CCDC89: variants seen among roughly 807,000 people sequenced by gnomAD.
CCDC89 encodes the protein coiled-coil domain-containing protein 89.
A neutral mutation model predicts 29.3 loss-of-function variants in CCDC89; 28 were observed. That is an observed-to-expected ratio of 0.96 (90% CI 0.71 to 1.31). The LOEUF is 1.31. Among genes scored for constraint, CCDC89 ranks in the 50% most tolerant of loss-of-function variants. CCDC89 has a pLI of 0.00. For missense variants in CCDC89, 484 were observed against 442.3 expected, an observed-to-expected ratio of 1.09 and a Z score of -0.85; for synonymous variants, 191 against 179.7, an observed-to-expected ratio of 1.06 and a Z score of -0.51.
At position 85,685,542 on chromosome 11, in the gene CCDC89, A is replaced by C; in HGVS notation, c.589T>G (p.Cys197Gly). The change falls in exon 1 of 1, where the codon TGT becomes GGT. Residue 197 changes from cysteine (C) to glycine (G), a missense_variant. Transcript: ENST00000316398. ...TGTGCCTGGCAGGCATCCTGAGCAC[A>C]CCTCTCCTTCAGCGTTTCTAGCTCC... is the stretch of plus-strand genomic sequence containing the variant. Reference protein sequence around the residue: ...TGELETLKERCAQDACQAQAR... With the variant: ...TGELETLKERGAQDACQAQAR... 6.2e-7 allele frequency: 1 copy of C among 1,613,758 alleles called. No homozygotes were observed. The highest frequency in any genetic ancestry group is 8.5e-7 in the Non-Finnish European group (1 of 1,179,932).
In CCDC89 at chr11:85,685,107, C is replaced by T. The variant is rs200884938; in HGVS notation, c.1024G>A (p.Asp342Asn). The T allele has an allele frequency of 6.9e-5, 112 of 1,614,116 alleles. No individual in the cohort carries two copies. Among genetic ancestry groups the T allele is most frequent in the Non-Finnish European group, 8.6e-5 (102 of 1,180,054 alleles). The change falls in exon 1 of 1, where the codon GAT becomes AAT. Residue 342 changes from aspartate to asparagine, a missense_variant. Coordinates refer to ENST00000316398, the MANE Select transcript of CCDC89 (RefSeq NM_152723.3). ...GCTTCAGACTGCAGCCTGAGTTCAT[C>T]GTAGGCCTTCTGGATCCCATCTACT... ...RKVDGIQKAY[D>N]ELRLQSEAFK...
rs1255426099 is a variant in CCDC89 at position 85,685,308 on chromosome 11, A to C, written c.823T>G (p.Leu275Val). ...LQTVTREKEE[L>V]LQLSIERGKV... ...CCCCTTTCAATGGACAGCTGCAGCAACTCCTCTTTCTCTCTAGTGACGGTC... is the reference window on the plus strand; with the variant it reads ...CCCCTTTCAATGGACAGCTGCAGCACCTCCTCTTTCTCTCTAGTGACGGTC... The change falls in exon 1 of 1, where the codon TTG becomes GTG. Residue 275 changes from leucine (L) to valine (V), a missense_variant. Coordinates refer to ENST00000316398, the MANE Select transcript of CCDC89 (RefSeq NM_152723.3). The C allele has an allele frequency of 3.7e-6, 6 of 1,607,794 alleles. No individual in the cohort carries two copies. Among genetic ancestry groups the C allele is most frequent in the Non-Finnish European group, 5.1e-6 (6 of 1,179,914 alleles).
Position 85,684,231 on chromosome 11 carries a change from T to A in CCDC89, c.*775A>T, listed in dbSNP as rs1418300918. Among the ~76,000 whole-genome samples the A allele has an allele frequency of 6.6e-6, 1 of 152,194 alleles. No individual in the cohort carries two copies. Among genetic ancestry groups the A allele is most frequent in the Non-Finnish European group, 1.5e-5 (1 of 68,030 alleles). ...AACAATTTCTGAGTTACTCTATAGA[T>A]CACGTCTGCTATGATTTGTTACCCC... is the stretch of plus-strand genomic sequence containing the variant. On this transcript the variant is annotated 3_prime_UTR_variant, in exon 1 of 1. Coordinates refer to ENST00000316398, the MANE Select transcript of CCDC89 (RefSeq NM_152723.3).
rs771496351 is a variant in CCDC89 at position 85,685,728 on chromosome 11, A to G, written c.403T>C (p.Leu135=). 38 of 1,612,526 alleles carry G rather than the reference A, an allele frequency of 2.4e-5. No individual in the cohort carries two copies. The highest frequency in any genetic ancestry group is 3.3e-5 in the Admixed American group (2 of 59,852). Residue 135 remains leucine (L), a synonymous_variant, in exon 1 of 1, where the codon TTG becomes CTG. Transcript: ENST00000316398. ...TATTCATCCTTGAAGCGGAGCATCA[A>G]CTCGTGGTTGGCTGCTAGGGTCATA... ...RFMTLAANHE[L]MLRFKDEYKS... is the part of the protein sequence containing the mutation.
At position 85,685,150 on chromosome 11, in the gene CCDC89, G is replaced by A; in HGVS notation, c.981C>T (p.Val327=). ...EAVAVDSNLR[V]RELQRKVDGI... The stretch of plus-strand genomic sequence containing the variant: ...CATCTACTTTGCGCTGAAGCTCCCT[G>A]ACTCTCAAGTTGCTGTCCACAGCCA... The change falls in exon 1 of 1, where the codon GTC becomes GTT. Residue 327 remains valine, a synonymous_variant. Transcript: ENST00000316398. 1.2e-6 allele frequency: 2 copies of A among 1,614,206 alleles called. No homozygotes were observed. Among genetic ancestry groups the A allele is most frequent in the Non-Finnish European group, 1.7e-6 (2 of 1,180,034 alleles).
In CCDC89 at chr11:85,686,140, G is replaced by GCTGA; in HGVS notation, c.-14_-11dup. On this transcript the variant is annotated 5_prime_UTR_variant, in exon 1 of 1. Transcript: ENST00000316398. Reference sequence around the variant, plus strand: ...GCATAGGCGCTCTCATCCACTAAGGGCTGACTACAGTCTTTTCCCCTCAGA... The same window carrying GCTGA: ...GCATAGGCGCTCTCATCCACTAAGGGCTGACTGACTACAGTCTTTTCCCCTCAGA... 2 of 1,606,340 alleles carry GCTGA rather than the reference G, an allele frequency of 1.2e-6. No individual in the cohort carries two copies. The highest frequency in any genetic ancestry group is 1.7e-6 in the Non-Finnish European group (2 of 1,176,672).
In CCDC89 at chr11:85,685,599, G is replaced by C; in HGVS notation, c.532C>G (p.Gln178Glu). The C allele has an allele frequency of 1.2e-6, 2 of 1,614,190 alleles. No homozygotes were observed. The highest frequency in any genetic ancestry group is 1.7e-6 in the Non-Finnish European group (2 of 1,180,050). Residue 178 changes from glutamine (Q) to glutamate (E), a missense_variant, in exon 1 of 1, where the codon CAG becomes GAG. By Grantham distance (29) the Gln-to-Glu change is conservative. Transcript: ENST00000316398. ...ALKDEEAKVL[Q>E]LTVRCEALTG... Reference sequence around the variant, plus strand: ...AGGGCCTCACACCGGACTGTGAGCTGTAATACTTTCGCCTCCTCATCCTTC... The same window carrying C: ...AGGGCCTCACACCGGACTGTGAGCTCTAATACTTTCGCCTCCTCATCCTTC...
In CCDC89 at chr11:85,684,282, A is replaced by G. The variant is rs1299387926; in HGVS notation, c.*724T>C. On this transcript the variant is annotated 3_prime_UTR_variant, in exon 1 of 1. Transcript: ENST00000316398. ...AAATTGTCTAATTGTCTATTAGCAT[A>G]TCGTGCAATATTAAATTAAGCTACT... is the stretch of plus-strand genomic sequence containing the variant. 6.6e-6 allele frequency among the ~76,000 whole-genome samples: 1 copy of G among 152,264 alleles called. No individual in the cohort carries two copies. Among genetic ancestry groups the G allele is most frequent in the Non-Finnish European group, 1.5e-5 (1 of 68,044 alleles).
rs1373930374 is a variant in CCDC89 at position 85,684,908 on chromosome 11, A to T, written c.*98T>A. 6.9e-6 allele frequency: 9 copies of T among 1,310,500 alleles called. No individual in the cohort carries two copies. The East Asian group carries it at 2.1e-4, about 31-fold the overall frequency. 81.2% of individuals were successfully genotyped at this position (1,310,500 alleles called of 1,614,324 possible). A position where few individuals can be genotyped will look rare whatever the true frequency, so the allele number is the denominator to read the frequency against. On this transcript the variant is annotated 3_prime_UTR_variant, in exon 1 of 1. Coordinates refer to ENST00000316398, the MANE Select transcript of CCDC89 (RefSeq NM_152723.3). ...TTCTTTGAGTTGCCTTTTGTGCTTG[A>T]AAGTATAATAAATGGGATATCATCT...
chr11:85,685,576 G>A lies in CCDC89; in HGVS notation c.555C>T (p.Ala185=). 1 of 1,614,114 alleles carries A rather than the reference G, an allele frequency of 6.2e-7. No homozygotes were observed. Among genetic ancestry groups the A allele is most frequent in the Non-Finnish European group, 8.5e-7 (1 of 1,180,030 alleles). ...TCAGCGTTTCTAGCTCCCCAGTGAG[G>A]GCCTCACACCGGACTGTGAGCTGTA... ...KVLQLTVRCE[A]LTGELETLKE... The change falls in exon 1 of 1, where the codon GCC becomes GCT. Residue 185 remains alanine (A), a synonymous_variant. Coordinates refer to ENST00000316398, the MANE Select transcript of CCDC89 (RefSeq NM_152723.3).
In CCDC89 at chr11:85,685,377, C is replaced by G; in HGVS notation, c.754G>C (p.Glu252Gln). 1 of 1,610,576 alleles carries G rather than the reference C, an allele frequency of 6.2e-7. No homozygotes were observed. Among genetic ancestry groups the G allele is most frequent in the Non-Finnish European group, 8.5e-7 (1 of 1,180,000 alleles). ...QAVEQIAKAE[E>Q]THSSLSQELQ... ...TCCTGGCTCAGGCTGCTGTGTGTCT[C>G]CTCTGCCTTAGCTATCTGCTCCACA... The change falls in exon 1 of 1, where the codon GAG becomes CAG. Residue 252 changes from glutamate (E) to glutamine (Q), a missense_variant. By Grantham distance (29) the Glu-to-Gln change is conservative. Coordinates refer to ENST00000316398, the MANE Select transcript of CCDC89 (RefSeq NM_152723.3).
rs1389121286 is a variant in CCDC89 at position 85,685,292 on chromosome 11, A to T, written c.839T>A (p.Ile280Asn). 6.2e-7 allele frequency: 1 copy of T among 1,608,808 alleles called. No individual in the cohort carries two copies. The highest frequency in any genetic ancestry group is 1.1e-5 in the South Asian group (1 of 91,080). The change falls in exon 1 of 1, where the codon ATT (isoleucine) becomes AAT (asparagine). Residue 280 changes from isoleucine to asparagine, a missense_variant. By Grantham distance (149) the Ile-to-Asn change is moderately radical. Coordinates refer to ENST00000316398, the MANE Select transcript of CCDC89 (RefSeq NM_152723.3). ...GTTCTGAAGCACTTTGCCCCTTTCA[A>T]TGGACAGCTGCAGCAACTCCTCTTT... ...REKEELLQLSIERGKVLQNKQ... is the reference protein window; with the variant it reads ...REKEELLQLSNERGKVLQNKQ...
Position 85,684,855 on chromosome 11 carries a change from TAAC to T in CCDC89, c.*148_*150del, listed in dbSNP as rs1330675275. The T allele has an allele frequency of 5.1e-6, 4 of 788,770 alleles. No individual in the cohort carries two copies. Among genetic ancestry groups the T allele is most frequent in the South Asian group, 4.1e-5 (2 of 49,222 alleles). 48.9% of individuals were successfully genotyped at this position (788,770 alleles called of 1,614,324 possible). ...AAAATTAATAATGGCTTTACAATAA[TAAC>T]AACAATATCATAGTAAAGTAGCTTT... On this transcript the variant is annotated 3_prime_UTR_variant, in exon 1 of 1. Coordinates refer to ENST00000316398, the MANE Select transcript of CCDC89 (RefSeq NM_152723.3).
At position 85,685,616 on chromosome 11, in the gene CCDC89, T is replaced by C; in HGVS notation, c.515A>G (p.Glu172Gly). The C allele has an allele frequency of 6.2e-7, 1 of 1,614,196 alleles. No individual in the cohort carries two copies. Among genetic ancestry groups the C allele is most frequent in the Non-Finnish European group, 8.5e-7 (1 of 1,180,040 alleles). Reference sequence around the variant, plus strand: ...TGTGAGCTGTAATACTTTCGCCTCCTCATCCTTCAGAGCCTGGCTGAAGAG... The same window carrying C: ...TGTGAGCTGTAATACTTTCGCCTCCCCATCCTTCAGAGCCTGGCTGAAGAG... ...SSLFSQALKDEEAKVLQLTVR... is the reference protein window; with the variant it reads ...SSLFSQALKDGEAKVLQLTVR... Residue 172 changes from glutamate to glycine, a missense_variant, in exon 1 of 1, where the codon GAG (glutamate) becomes GGG (glycine). Glu to Gly is a moderately conservative substitution (Grantham distance 98). Coordinates refer to ENST00000316398, the MANE Select transcript of CCDC89 (RefSeq NM_152723.3).
chr11:85,684,985 C>A lies in CCDC89; in HGVS notation c.*21G>T. The A allele has an allele frequency of 6.3e-7, 1 of 1,587,506 alleles. No homozygotes were observed. The highest frequency in any genetic ancestry group is 8.6e-7 in the Non-Finnish European group (1 of 1,167,118). On this transcript the variant is annotated 3_prime_UTR_variant, in exon 1 of 1. Coordinates refer to ENST00000316398, the MANE Select transcript of CCDC89 (RefSeq NM_152723.3). ...AAATATTTGAATTCTGAATTGCAGG[C>A]CAGAGGAAGCAGAAACTTCCCTATG...
chr11:85,686,186 T>C lies in CCDC89; in HGVS notation c.-56A>G. 3 of 1,541,388 alleles carry C rather than the reference T, an allele frequency of 1.9e-6. No individual in the cohort carries two copies. In the South Asian group the frequency reaches 3.8e-5, roughly 20 times the overall value. ...TCAGATTTCAAACGCTGCAGGGTGT[T>C]GCTAGGGACTCTTGGCACTCCCCAG... On this transcript the variant is annotated 5_prime_UTR_variant, in exon 1 of 1. Coordinates refer to ENST00000316398, the MANE Select transcript of CCDC89 (RefSeq NM_152723.3).
In CCDC89 at chr11:85,685,260, C is replaced by T. The variant is rs1291721410; in HGVS notation, c.871G>A (p.Ala291Thr). Residue 291 changes from alanine (A) to threonine (T), a missense_variant, in exon 1 of 1, where the codon GCA becomes ACA. Coordinates refer to ENST00000316398, the MANE Select transcript of CCDC89 (RefSeq NM_152723.3). ...TTTTCCTCAAGCTGGCAGATCTCTG[C>T]CTGTTTGTTCTGAAGCACTTTGCCC... ...ERGKVLQNKQ[A>T]EICQLEEKLE... is the part of the protein sequence containing the mutation. 1.2e-6 allele frequency: 2 copies of T among 1,611,684 alleles called. No individual in the cohort carries two copies. Among genetic ancestry groups the T allele is most frequent in the Admixed American group, 3.3e-5 (2 of 60,032 alleles).
rs752575984 is a variant in CCDC89, at chr11:85,685,903, G to C, written c.228C>G (p.Leu76=). 3 of 1,614,180 alleles carry C rather than the reference G, an allele frequency of 1.9e-6. No homozygotes were observed. The highest frequency in any genetic ancestry group is 1.7e-6 in the Non-Finnish European group (2 of 1,180,030). ...LRSRIEEQSQ[L]ICILKRRSDE... is the part of the protein sequence containing the mutation. Reference sequence around the variant, plus strand: ...CTGACCTCCGCTTCAGGATGCAGATGAGCTGGGACTGCTCTTCAATGCGGG... The same window carrying C: ...CTGACCTCCGCTTCAGGATGCAGATCAGCTGGGACTGCTCTTCAATGCGGG... The change falls in exon 1 of 1, where the codon CTC becomes CTG. Residue 76 remains leucine, a synonymous_variant. Transcript: ENST00000316398.
rs927358971 is a variant in CCDC89, at chr11:85,683,942, A to G, written c.*1064T>C. ...GTAGCCTTCAGCAAAATGGGTGAGAAAAATATTACATTACAATCTATTTTG... is the reference window on the plus strand; with the variant it reads ...GTAGCCTTCAGCAAAATGGGTGAGAGAAATATTACATTACAATCTATTTTG... On this transcript the variant is annotated 3_prime_UTR_variant, in exon 1 of 1. Transcript: ENST00000316398. Among the ~76,000 whole-genome samples the G allele has an allele frequency of 2.0e-5, 3 of 152,226 alleles. No individual in the cohort carries two copies. Among genetic ancestry groups the G allele is most frequent in the African/African-American group, 7.2e-5 (3 of 41,462 alleles).
Sources: gnomAD v4.1 joint callset for allele counts (sites outside exome capture counted in the v4.1 genomes callset) on GRCh38, gnomAD v4.1.1 for gene constraint, MANE v1.5 for transcripts, NCBI Gene and HGNC (gene_info 2026-07-23, HGNC 2026-07-21) for gene names.